Variants in RANBP3 observed in about 807,000 individuals in gnomAD.
RANBP3 encodes the protein RAN binding protein 3.
Under a neutral mutation model 77.3 loss-of-function variants are expected in RANBP3, and 14 were observed. The observed-to-expected ratio is 0.18, with a 90% confidence interval of 0.12 to 0.28. RANBP3 has a LOEUF of 0.28. Among genes scored for constraint, RANBP3 ranks in the 10% least tolerant of loss-of-function variants. The pLI is 1.00. For missense variants in RANBP3, 586 were observed against 752.3 expected, an observed-to-expected ratio of 0.78 and a Z score of 2.59; for synonymous variants, 315 against 312.4, an observed-to-expected ratio of 1.01 and a Z score of -0.09.
chr19:5,977,714 G>C (rs2058612869), intron 1 of RANBP3, among the ~76,000 whole-genome samples: 1 of 152,234 alleles, frequency 6.6e-6, no homozygotes, highest in Non-Finnish European at 1.5e-5. Context: ...CAGGCCCTAA[G>C]GTCTATTTAC....
chr19:5,925,722 C>T lies in RANBP3; in HGVS notation c.829G>A (p.Val277Met), dbSNP rs199697489. The change falls in exon 10 of 17, where the codon GTG becomes ATG. Residue 277 changes from valine (V) to methionine (M), a missense_variant. Around this residue, in one of 5 missense-constraint regions of RANBP3, gnomAD observed 232 missense variants for 271.7 expected, o/e 0.85. Transcript: ENST00000340578. ...RDRVKLINES[V>M]DEADMENAGH... ...GCATTCTCCATGTCGGCTTCGTCCA[C>T]GCTCTCATTTATCAGCTGGGAATGA... is the stretch of plus-strand genomic sequence containing the variant. 608 of 1,613,746 alleles carry T rather than the reference C, an allele frequency of 3.8e-4. 1 individual carries two copies. The highest frequency in any genetic ancestry group is 4.8e-4 in the Non-Finnish European group (565 of 1,179,974).
intron 1 of RANBP3, among the ~76,000 whole-genome samples, chr19:5,969,222 C>T (rs539600258): frequency 1.2e-4 from 18 of 152,340 alleles, no homozygotes; most frequent in African/African-American, 4.1e-4. Context: ...GCTCTGGACT[C>T]TTAGGACCCA....
intron 1 of RANBP3, among the ~76,000 whole-genome samples, chr19:5,975,752 C>T (rs1482178406): frequency 2.0e-5 from 3 of 150,440 alleles, no homozygotes; most frequent in South Asian, 2.1e-4. Flanking sequence ...GAGAAGCTCT[C>T]ATTAATAAAG....
At chr19:5,976,862 C>T (rs1367138498) in intron 1 of RANBP3, among the ~76,000 whole-genome samples, 1 of 152,222 alleles carries the variant, frequency 6.6e-6, no homozygotes, top group East Asian at 1.9e-4. Context: ...GACTGAGCAC[C>T]CGTGGTCTGG....
At chr19:5,936,503 C>T (rs903704727) in intron 5 of RANBP3, among the ~76,000 whole-genome samples, 3 of 152,208 alleles carry the variant, frequency 2.0e-5, no homozygotes, top group Non-Finnish European at 4.4e-5. Context: ...GGGCCGGGAG[C>T]AGGGCTACAC....
At chr19:5,922,666 G>A (rs767255574) in intron 13 of RANBP3, among the ~76,000 whole-genome samples, 4 of 152,244 alleles carry the variant, frequency 2.6e-5, no homozygotes, top group African/African-American at 7.2e-5. Context: ...CGGGCTGGGC[G>A]TGGTGGCTCA....
Position 5,928,135 on chromosome 19 carries a change from T to C in RANBP3, c.694-48A>G, listed in dbSNP as rs775280693. On this transcript the variant is annotated intron_variant, in intron 8 of 16. Transcript: ENST00000340578. ...AGAGTAATCAAAACCAGTGCCACACTTGGCCCAGACGGATGCCCAGCAATC... is the reference window on the plus strand; with the variant it reads ...AGAGTAATCAAAACCAGTGCCACACCTGGCCCAGACGGATGCCCAGCAATC... 8.2e-6 allele frequency: 13 copies of C among 1,587,012 alleles called. No homozygotes were observed. The Admixed American group carries it at 2.3e-4, about 28-fold the overall frequency.
intron 2 of RANBP3, among the ~76,000 whole-genome samples, chr19:5,953,753 C>G (rs561507000): frequency 2.0e-5 from 3 of 152,324 alleles, no homozygotes; most frequent in East Asian, 3.9e-4. Context: ...AACAATGGTG[C>G]ATGTAAACGC....
In RANBP3 at chr19:5,962,085, C is replaced by T. The variant is rs560995526; in HGVS notation, c.23-4112G>A. Among the ~76,000 whole-genome samples, 72 of 152,194 alleles carry T rather than the reference C, an allele frequency of 4.7e-4. 2 individuals are homozygous for T. Among genetic ancestry groups the T allele is most frequent in the African/African-American group, 1.6e-3 (65 of 41,504 alleles). On this transcript the variant is annotated intron_variant, in intron 1 of 16. Coordinates refer to ENST00000340578, the MANE Select transcript of RANBP3 (RefSeq NM_007322.3). Reference sequence around the variant, plus strand: ...ATCCTGCCACGGGGCACGCGGAGACCACGGCCACAGCAGCTGAAACAGCCT... The same window carrying T: ...ATCCTGCCACGGGGCACGCGGAGACTACGGCCACAGCAGCTGAAACAGCCT...
At chr19:5,932,795 T>C (rs373342769) in intron 6 of RANBP3, 28 of 505,200 alleles carry the variant, frequency 5.5e-5, no homozygotes, top group South Asian at 3.3e-4. Context: ...CACAGTAACG[T>C]GGCGGGGCGC....
chr19:5,918,760 C>T, intron 14 of RANBP3, 122 bp from the exon 15 acceptor site: 1 of 1,256,132 alleles, frequency 8.0e-7, no homozygotes, highest in East Asian at 2.5e-5. Flanking sequence ...CCATGATCCT[C>T]CCAGGACCCA....
intron 3 of RANBP3, among the ~76,000 whole-genome samples, chr19:5,950,265 G>A (rs570312672): frequency 6.6e-6 from 1 of 152,128 alleles, no homozygotes; most frequent in Non-Finnish European, 1.5e-5. Flanking sequence ...ACTCCTTCCC[G>A]CGGCTCCCGT....
chr19:5,945,990 G>A (rs1302909484), intron 3 of RANBP3, among the ~76,000 whole-genome samples: 1 of 151,064 alleles, frequency 6.6e-6, no homozygotes, highest in African/African-American at 2.4e-5. Flanking sequence ...GGCCTCCTCA[G>A]GCACAGGGTC....
chr19:5,918,480 C>T lies in RANBP3; in HGVS notation c.1473+16G>A, dbSNP rs756952712. Reference sequence around the variant, plus strand: ...CAGGATGAGGGGTCCCAGATGCACCCGCGTGGCTGGCTCACCGAGATCAGG... The same window carrying T: ...CAGGATGAGGGGTCCCAGATGCACCTGCGTGGCTGGCTCACCGAGATCAGG... On this transcript the variant is annotated intron_variant, in intron 15 of 16. Transcript: ENST00000340578. The T allele has an allele frequency of 5.4e-5, 87 of 1,601,474 alleles. No homozygotes were observed. The highest frequency in any genetic ancestry group is 2.7e-4 in the East Asian group (12 of 44,368).
Position 5,921,297 on chromosome 19 carries a change from C to G in RANBP3, c.1234G>C (p.Asp412His). Residue 412 changes from aspartate (D) to histidine (H), a missense_variant, in exon 14 of 17, where the codon GAC (aspartate) becomes CAC (histidine). By Grantham distance (81) the Asp-to-His change is moderately conservative (BLOSUM62 -1). This residue lies in a region of RANBP3 where 51 missense variants were observed against 123.2 expected (regional missense o/e 0.41). Transcript: ENST00000340578. The surrounding 1 kb of genome is among the most constrained non-coding windows in gnomAD (Gnocchi z 5.3). Reference protein sequence around the residue: ...LQMQCKLFVFDKTSQSWVERG... With the variant: ...LQMQCKLFVFHKTSQSWVERG... ...TCCACCCAGGACTGTGAGGTCTTGT[C>G]AAAGACAAACAGCTTGCACTGCATC... 6.2e-7 allele frequency: 1 copy of G among 1,613,718 alleles called. No homozygotes were observed. Among genetic ancestry groups the G allele is most frequent in the Non-Finnish European group, 8.5e-7 (1 of 1,179,904 alleles).
chr19:5,931,587 C>A (rs188772491), intron 7 of RANBP3, 56 bp from the exon 8 acceptor site: 4 of 1,560,484 alleles, frequency 2.6e-6, no homozygotes, highest in African/African-American at 1.3e-5. Context: ...CTCCCACCCC[C>A]ACTCACATAG....
rs369940599 is a variant in RANBP3, at chr19:5,918,031, C to G, written c.1474-51G>C. On this transcript the variant is annotated intron_variant, in intron 15 of 16. Transcript: ENST00000340578. Reference sequence around the variant, plus strand: ...CCCCGGACCCCAGTCCTACCCCCTCCTGCCTTCTGCAGAACACAAGTGCCA... The same window carrying G: ...CCCCGGACCCCAGTCCTACCCCCTCGTGCCTTCTGCAGAACACAAGTGCCA... 1.8e-5 allele frequency: 28 copies of G among 1,515,308 alleles called. No individual in the cohort carries two copies. The African/African-American group carries it at 3.5e-4, about 19-fold the overall frequency. The allele number at this position is 1,515,308 out of a possible 1,614,324, so 93.9% of individuals were successfully genotyped here.
intron 9 of RANBP3, among the ~76,000 whole-genome samples, chr19:5,926,364 C>T (rs1433060370): frequency 1.3e-5 from 2 of 152,038 alleles, no homozygotes; most frequent in Non-Finnish European, 2.9e-5. Context: ...GCCTGGCCAA[C>T]ATGGAGAAAT....
chr19:5,925,547 C>G, intron 10 of RANBP3, 87 bp downstream of exon 10: 1 of 1,176,588 alleles, frequency 8.5e-7, no homozygotes, highest in Non-Finnish European at 1.3e-6. Flanking sequence ...GAGTCGGGCA[C>G]GGGGACCACA....
Sources: gnomAD v4.1 joint callset for allele counts (sites outside exome capture counted in the v4.1 genomes callset) on GRCh38, gnomAD v4.1.1 for gene constraint, gnomAD v4.1.1 regional missense constraint, Gnocchi (gnomAD v3.1) non-coding constraint, MANE v1.5 for transcripts, NCBI Gene and HGNC (gene_info 2026-07-23, HGNC 2026-07-21) for gene names.